KIF13B: variants seen among roughly 807,000 people sequenced by gnomAD.
The protein encoded by KIF13B is kinesin family member 13B, also known as kinesin-like protein KIF13B.
KIF13B carries 127 observed loss-of-function variants against 222.0 expected under a neutral mutation model. That is an observed-to-expected ratio of 0.57 (90% confidence interval 0.50 to 0.66). The LOEUF is 0.66. Among genes scored for constraint, KIF13B ranks in the 30% least tolerant of loss-of-function variants. The pLI, the probability that KIF13B is intolerant of heterozygous loss-of-function variation, is 0.00. For synonymous variants in KIF13B, 976 were observed against 919.0 expected (o/e 1.06, Z -1.12); for missense variants, 2,173 against 2,379.0 (o/e 0.91, Z 1.80).
chr8:29,197,351 A>C (rs1478274139), intron 2 of KIF13B, among the ~76,000 whole-genome samples: 3 of 149,354 alleles, frequency 2.0e-5, no homozygotes, highest in Non-Finnish European at 4.5e-5. Context: ...AAAAAAAAAA[A>C]AAAAAAAAAA....
At chr8:29,167,187 A>T (rs372152248) in intron 11 of KIF13B, among the ~76,000 whole-genome samples, 186 bp downstream of exon 11, 1 of 152,222 alleles carries the variant, frequency 6.6e-6, no homozygotes, top group African/African-American at 2.4e-5. Flanking sequence ...CATCTGTAAA[A>T]CCTCTTTGGA....
chr8:29,147,884 A>G (rs1218747197), intron 16 of KIF13B, among the ~76,000 whole-genome samples: 1 of 152,242 alleles, frequency 6.6e-6, no homozygotes, highest in Non-Finnish European at 1.5e-5. Context: ...TCATAAGCCA[A>G]TGACAGGCAA....
intron 11 of KIF13B, 132 bp from the exon 12 acceptor site, chr8:29,165,904 T>TTCGATTGTAGATCGAATTACC: frequency 5.3e-6 from 3 of 567,656 alleles, no homozygotes; most frequent in Non-Finnish European, 9.3e-6. Flanking sequence ...TGACATCTAC[T>TTCGATTGTAGATCGAATTACC]TCGATTGTAG....
At chr8:29,170,438 T>C (rs1476404822) in intron 10 of KIF13B, among the ~76,000 whole-genome samples, 7 of 152,282 alleles carry the variant, frequency 4.6e-5, no homozygotes, top group East Asian at 3.9e-4. Flanking sequence ...AGTAATACTA[T>C]ATAACAAGGA....
chr8:29,132,502 T>C, intron 22 of KIF13B, 37 bp from the exon 23 acceptor site: 2 of 1,342,696 alleles, frequency 1.5e-6, no homozygotes, highest in Non-Finnish European at 2.0e-6. Flanking sequence ...GAGCAAACTC[T>C]TTCTGGTAAT....
intron 12 of KIF13B, among the ~76,000 whole-genome samples, chr8:29,161,215 T>C (rs1811760867): frequency 6.6e-6 from 1 of 152,328 alleles, no homozygotes; most frequent in East Asian, 1.9e-4. Flanking sequence ...GGATCCTTCT[T>C]AAAAGCAAAG....
In KIF13B at chr8:29,070,802, C is replaced by T. The variant is rs1414959420; in HGVS notation, c.5219-36G>A. The T allele has an allele frequency of 5.1e-6, 8 of 1,573,950 alleles. No individual in the cohort carries two copies. In the African/African-American group the frequency reaches 6.7e-5, roughly 13 times the overall value. Reference sequence around the variant, plus strand: ...AGGAGAGGGTGATATGGAGGGCAGCCGAGCTGCAGACGGCCCCCTGCACCT... The same window carrying T: ...AGGAGAGGGTGATATGGAGGGCAGCTGAGCTGCAGACGGCCCCCTGCACCT... On this transcript the variant is annotated intron_variant, in intron 39 of 39. Coordinates refer to ENST00000524189, the MANE Select transcript of KIF13B (RefSeq NM_015254.4). This position sits in a 1 kb window ranked among gnomAD's most constrained non-coding sequence, Gnocchi z 4.1.
chr8:29,086,761 T>A (rs1808064008), intron 37 of KIF13B, among the ~76,000 whole-genome samples: 1 of 152,250 alleles, frequency 6.6e-6, no homozygotes, highest in Non-Finnish European at 1.5e-5. Flanking sequence ...ATTGTACTAT[T>A]GATCCAGATT....
chr8:29,125,026 G>A (rs149460032), intron 26 of KIF13B, among the ~76,000 whole-genome samples: 74 of 152,270 alleles, frequency 4.9e-4, no homozygotes, highest in African/African-American at 1.7e-3. Flanking sequence ...CTATGGTCTG[G>A]GTGGTAGAGC....
intron 18 of KIF13B, 91 bp downstream of exon 18, chr8:29,146,287 G>T: frequency 7.4e-7 from 1 of 1,344,936 alleles, no homozygotes; most frequent in Non-Finnish European, 1.1e-6. Context: ...GGCAGGCACA[G>T]ACAGGGATCT....
At chr8:29,116,393 C>T (rs1809598109) in intron 31 of KIF13B, among the ~76,000 whole-genome samples, 1 of 152,044 alleles carries the variant, frequency 6.6e-6, no homozygotes, top group Non-Finnish European at 1.5e-5. Flanking sequence ...CACCTGAGCC[C>T]AGGAGACGAT....
chr8:29,235,173 A>G (rs764121810), intron 2 of KIF13B, among the ~76,000 whole-genome samples: 3 of 152,138 alleles, frequency 2.0e-5, no homozygotes, highest in African/African-American at 7.3e-5. Context: ...GGCTTAAAAA[A>G]TAAAAATAAA....
Position 29,070,634 on chromosome 8 carries a change from C to G in KIF13B, c.5351G>C (p.Gly1784Ala), listed in dbSNP as rs1447025097. Reference protein sequence around the residue: ...VRRRSTGLRLGAPEARRSATL... With the variant: ...VRRRSTGLRLAAPEARRSATL... ...GGCGCTCCGGCGGGCCTCGGGGGCA[C>G]CCAGCCGGAGTCCTGTGCTGCGCCG... Residue 1784 changes from glycine to alanine, a missense_variant, in exon 40 of 40, where the codon GGT (glycine) becomes GCT (alanine). Around this residue, in one of 2 missense-constraint regions of KIF13B, gnomAD observed 693 missense variants for 656.2 expected, o/e 1.06. Transcript: ENST00000524189. This position sits in a 1 kb window ranked among gnomAD's most constrained non-coding sequence, Gnocchi z 4.1. The G allele has an allele frequency of 6.4e-7, 1 of 1,570,870 alleles. No homozygotes were observed. The highest frequency in any genetic ancestry group is 8.6e-7 in the Non-Finnish European group (1 of 1,157,922).
chr8:29,086,739 C>T (rs1349596410), intron 37 of KIF13B, among the ~76,000 whole-genome samples: 2 of 152,140 alleles, frequency 1.3e-5, no homozygotes, highest in Non-Finnish European at 2.9e-5. Context: ...ATCACTATTT[C>T]CCCCTTCCTA....
chr8:29,263,066 C>T lies in KIF13B; in HGVS notation c.-32G>A, dbSNP rs370529496. On this transcript the variant is annotated 5_prime_UTR_variant, in exon 1 of 40. Transcript: ENST00000524189. Reference sequence around the variant, plus strand: ...GCCGCCGAGGAACTCGTTCGGCTTCCGTCTGCCGCGGCCACCGGCGACTCT... The same window carrying T: ...GCCGCCGAGGAACTCGTTCGGCTTCTGTCTGCCGCGGCCACCGGCGACTCT... 7 of 1,544,188 alleles carry T rather than the reference C, an allele frequency of 4.5e-6. No homozygotes were observed. The highest frequency in any genetic ancestry group is 1.4e-5 in the African/African-American group (1 of 70,966).
intron 2 of KIF13B, among the ~76,000 whole-genome samples, chr8:29,233,917 T>C (rs534306592): frequency 1.3e-5 from 2 of 152,362 alleles, no homozygotes; most frequent in Admixed American, 6.5e-5. Context: ...TATGTTAATA[T>C]AAACATTTTT....
intron 2 of KIF13B, among the ~76,000 whole-genome samples, chr8:29,202,266 G>T (rs1813727454): frequency 6.6e-6 from 1 of 152,168 alleles, no homozygotes; most frequent in Admixed American, 6.6e-5. Flanking sequence ...CACTTCCAGG[G>T]CTGCATTCAG....
intron 33 of KIF13B, 108 bp from the exon 34 acceptor site, chr8:29,109,619 CTATT>C: frequency 1.1e-6 from 1 of 910,516 alleles, no homozygotes; most frequent in Non-Finnish European, 1.8e-6. Flanking sequence ...ACATTCCTAG[CTATT>C]TAAACAATGC....
At chr8:29,256,417 CT>C (rs1249256243) in intron 1 of KIF13B, among the ~76,000 whole-genome samples, 1 of 152,232 alleles carries the variant, frequency 6.6e-6, no homozygotes, top group Admixed American at 6.5e-5. Flanking sequence ...CCTGCTTGTG[CT>C]GTCTTCTGTG....
Sources: gnomAD v4.1 joint callset for allele counts (sites outside exome capture counted in the v4.1 genomes callset) on GRCh38, gnomAD v4.1.1 for gene constraint, gnomAD v4.1.1 regional missense constraint, Gnocchi (gnomAD v3.1) non-coding constraint, MANE v1.5 for transcripts, NCBI Gene and HGNC (gene_info 2026-07-23, HGNC 2026-07-21) for gene names.